DYNC2I1: variants seen among roughly 807,000 people sequenced by gnomAD.
DYNC2I1 encodes the protein cytoplasmic dynein 2 intermediate chain 1.
Under a neutral mutation model 133.4 loss-of-function variants are expected in DYNC2I1, and 89 were observed. That is an observed-to-expected ratio of 0.67 (90% CI 0.56 to 0.80). DYNC2I1 has a LOEUF of 0.80. Among genes scored for constraint, DYNC2I1 ranks in the 30% least tolerant of loss-of-function variants. The pLI, the probability that DYNC2I1 is intolerant of heterozygous loss-of-function variation, is 0.00. For synonymous variants in DYNC2I1, 504 were observed against 484.3 expected, an observed-to-expected ratio of 1.04 and a Z score of -0.54; for missense variants, 1,291 against 1,314.5, an observed-to-expected ratio of 0.98 and a Z score of 0.28.
At chr7:158,861,786 T>C (rs1841889082) in intron 1 of DYNC2I1, among the ~76,000 whole-genome samples, 1 of 152,230 alleles carries the variant, frequency 6.6e-6, no homozygotes. Flanking sequence ...TTACGGTGAC[T>C]GTAGGGAATA....
intron 13 of DYNC2I1, 122 bp downstream of exon 13, chr7:158,913,218 A>G: frequency 1.4e-6 from 1 of 726,948 alleles, no homozygotes; most frequent in Non-Finnish European, 2.2e-6. Flanking sequence ...GGTTGTTAGC[A>G]TGTGACAATA....
At position 158,930,493 on chromosome 7, in the gene DYNC2I1, G is replaced by C; in HGVS notation, c.2524G>C (p.Ala842Pro). 5.6e-6 allele frequency: 9 copies of C among 1,613,060 alleles called. No homozygotes were observed. Among genetic ancestry groups the C allele is most frequent in the Non-Finnish European group, 7.6e-6 (9 of 1,179,566 alleles). ...PGGRVKLVHS[A>P]LIQLGDSLSH... ...AGGGAGGGTCAAGCTGGTACATAGTGCTCTGATCCAGTTGGGTGACAGGTA... is the reference window on the plus strand; with the variant it reads ...AGGGAGGGTCAAGCTGGTACATAGTCCTCTGATCCAGTTGGGTGACAGGTA... Residue 842 changes from alanine to proline, a missense_variant, in exon 21 of 25, where the codon GCT (alanine) becomes CCT (proline). Transcript: ENST00000407559.
At chr7:158,873,402 C>CA (rs1169827927) in intron 3 of DYNC2I1, among the ~76,000 whole-genome samples, 1 of 152,188 alleles carries the variant, frequency 6.6e-6, no homozygotes, top group East Asian at 1.9e-4. Flanking sequence ...CTCTTATAGA[C>CA]ACGGTGATCT....
intron 23 of DYNC2I1, among the ~76,000 whole-genome samples, chr7:158,939,678 G>A (rs1175824959): frequency 6.6e-6 from 1 of 152,078 alleles, no homozygotes; most frequent in East Asian, 1.9e-4. Context: ...GCATAGAATG[G>A]CTGAATGGTT....
chr7:158,944,187 C>G (rs187290346), intron 24 of DYNC2I1, among the ~76,000 whole-genome samples: 2 of 152,186 alleles, frequency 1.3e-5, no homozygotes, highest in Admixed American at 6.5e-5. Flanking sequence ...CTGTGGGGAA[C>G]AGGCAGGGCC....
At chr7:158,942,444 C>G (rs1469030211) in intron 24 of DYNC2I1, among the ~76,000 whole-genome samples, 1 of 152,130 alleles carries the variant, frequency 6.6e-6, no homozygotes, top group Admixed American at 6.5e-5. Context: ...ACCACCGAGT[C>G]GACGGCTTAC....
chr7:158,874,796 G>A (rs943990271), intron 3 of DYNC2I1, among the ~76,000 whole-genome samples: 7 of 152,120 alleles, frequency 4.6e-5, no homozygotes, highest in African/African-American at 1.7e-4. Flanking sequence ...TGAATTCCAG[G>A]CTTGTGTATC....
chr7:158,882,870 T>G (rs1013478870), intron 5 of DYNC2I1, among the ~76,000 whole-genome samples: 1 of 136,368 alleles, frequency 7.3e-6, no homozygotes, highest in Non-Finnish European at 1.6e-5. Flanking sequence ...AGTGAGCCTT[T>G]GTCTCAAAAA....
At chr7:158,891,509 T>C (rs1037745070) in intron 8 of DYNC2I1, among the ~76,000 whole-genome samples, 176 bp downstream of exon 8, 1 of 152,222 alleles carries the variant, frequency 6.6e-6, no homozygotes, top group Non-Finnish European at 1.5e-5. Context: ...TTGCCCTTGT[T>C]TGAAGTCCTC....
At chr7:158,865,402 T>C (rs1842318796) in intron 1 of DYNC2I1, among the ~76,000 whole-genome samples, 1 of 152,158 alleles carries the variant, frequency 6.6e-6, no homozygotes, top group Non-Finnish European at 1.5e-5. Flanking sequence ...TAGAATTTTG[T>C]TATGAAAAGG....
At chr7:158,921,839 A>G (rs1226531555) in intron 15 of DYNC2I1, among the ~76,000 whole-genome samples, 2 of 152,150 alleles carry the variant, frequency 1.3e-5, no homozygotes, top group Non-Finnish European at 2.9e-5. Context: ...CTCCATCTCC[A>G]TCTTCTGCTG....
At chr7:158,926,509 G>A in intron 19 of DYNC2I1, 46 bp downstream of exon 19, 1 of 1,595,464 alleles carries the variant, frequency 6.3e-7, no homozygotes. Context: ...TGAGTGAGGT[G>A]GTCTGGGTGG....
intron 23 of DYNC2I1, among the ~76,000 whole-genome samples, chr7:158,941,117 T>G (rs1851312403): frequency 1.3e-5 from 2 of 151,972 alleles, no homozygotes; most frequent in South Asian, 4.1e-4. Context: ...CCAAATAAAA[T>G]AAAATCAGAA....
At chr7:158,926,141 T>A in intron 17 of DYNC2I1, 46 bp from the exon 18 acceptor site, 1 of 1,463,164 alleles carries the variant, frequency 6.8e-7, no homozygotes, top group Non-Finnish European at 9.5e-7. Context: ...CTGCATTTCT[T>A]CAACTTACTA....
rs752187951 is a variant in DYNC2I1, at chr7:158,889,204, C to T, written c.991-2061C>T. Among the ~76,000 whole-genome samples the T allele has an allele frequency of 2.6e-4, 40 of 151,980 alleles. 2 individuals carry two copies. Among genetic ancestry groups the T allele is most frequent in the Non-Finnish European group, 2.9e-5 (2 of 68,012 alleles). On this transcript the variant is annotated intron_variant, in intron 7 of 24. Transcript: ENST00000407559. ...CACGCCATTCTCCTGCCTCAGCCTC[C>T]TGAGTAGCTGGGACTACAGGCGCCT...
Position 158,920,967 on chromosome 7 carries a change from G to A in DYNC2I1, c.1922-1410G>A, listed in dbSNP as rs112163211. Among the ~76,000 whole-genome samples the A allele has an allele frequency of 9.9e-3, 1,514 of 152,286 alleles. 29 individuals carry two copies. The highest frequency in any genetic ancestry group is 0.034 in the African/African-American group (1,416 of 41,556). On this transcript the variant is annotated intron_variant, in intron 15 of 24. Transcript: ENST00000407559. Reference sequence around the variant, plus strand: ...CGCGGCAGAATGACGCAGCCAGCAGGTCGTTCATCTTGACAAATGTTCTGT... The same window carrying A: ...CGCGGCAGAATGACGCAGCCAGCAGATCGTTCATCTTGACAAATGTTCTGT...
Position 158,942,032 on chromosome 7 carries a change from GTCCCCAACCAGGCCTGCCGTGT to G in DYNC2I1, c.2890_2911del (p.Pro964TrpfsTer65), listed in dbSNP as rs773508771. On this transcript the variant is annotated frameshift_variant, in exon 24 of 25. Coordinates refer to ENST00000407559, the MANE Select transcript of DYNC2I1 (RefSeq NM_018051.5). LOFTEE classifies it high-confidence loss of function. ...GCCATGCGGTCACCGGCCTGCAGTG[GTCCCCAACCAGGCCTGCCGTGT>G]TCCTGGTGCAGGACGACACATCCAA... 1.9e-6 allele frequency: 3 copies of G among 1,613,488 alleles called. No individual in the cohort carries two copies. The highest frequency in any genetic ancestry group is 2.5e-6 in the Non-Finnish European group (3 of 1,179,790).
chr7:158,889,357 G>A (rs1432202099), intron 7 of DYNC2I1, among the ~76,000 whole-genome samples: 1 of 151,266 alleles, frequency 6.6e-6, no homozygotes, highest in African/African-American at 2.4e-5. Flanking sequence ...TGGGATTACA[G>A]GTGTGAGCCA....
chr7:158,843,205 C>A, the DYNC2I1 span, among the ~76,000 whole-genome samples: 2 of 152,166 alleles, frequency 1.3e-5, no homozygotes, highest in Admixed American at 1.3e-4. Flanking sequence ...AGTGATTCTC[C>A]CACCTCAAAC....
Sources: allele counts gnomAD v4.1 joint callset (sites outside exome capture counted in the v4.1 genomes callset), GRCh38; gene constraint gnomAD v4.1.1; transcripts MANE v1.5; gene names NCBI Gene and HGNC (gene_info 2026-07-23, HGNC 2026-07-21).